CALCOCO2: variants seen among roughly 807,000 people sequenced by gnomAD.
CALCOCO2 encodes calcium binding and coiled-coil domain 2.
Under a neutral mutation model 62.5 loss-of-function variants are expected in CALCOCO2, and 42 were observed. That is an observed-to-expected ratio of 0.67 (90% CI 0.53 to 0.87). The LOEUF (loss-of-function observed/expected upper bound fraction) is 0.87. CALCOCO2 is among the 40% of genes least tolerant of loss of function. The pLI, the probability that CALCOCO2 is intolerant of heterozygous loss-of-function variation, is 0.00. For synonymous variants in CALCOCO2, 167 were observed against 173.0 expected (o/e 0.97, Z 0.27); for missense variants, 456 against 515.0 (o/e 0.89, Z 1.11).
chr17:48,861,916 G>A (rs933938884), intron 11 of CALCOCO2, among the ~76,000 whole-genome samples: 7 of 151,550 alleles, frequency 4.6e-5, no homozygotes, highest in African/African-American at 1.7e-4. Flanking sequence ...AGGCATGGTG[G>A]TAGGCACCTG....
chr17:48,831,962 ACT>A (rs374906145), intron 1 of CALCOCO2: 12 of 152,278 alleles, frequency 7.9e-5, no homozygotes, highest in African/African-American at 2.4e-4. Context: ...GGACCTGGAA[ACT>A]CTATCCTTTG....
Position 48,863,189 on chromosome 17 carries a change from A to G in CALCOCO2, c.*184A>G, listed in dbSNP as rs1286990826. The G allele has an allele frequency of 3.2e-5, 18 of 567,732 alleles. 1 individual carries two copies. In the East Asian group the frequency reaches 5.5e-4, roughly 17 times the overall value. The allele number at this position is 567,732 out of a possible 1,614,324, so 35.2% of individuals were successfully genotyped here. The stretch of plus-strand genomic sequence containing the variant: ...GTCACTGTTAAGGGCTTCTGCTGCC[A>G]TCCTTGTGGGTTGCTACCTTTAAGT... On this transcript the variant is annotated 3_prime_UTR_variant, in exon 13 of 13. Coordinates refer to ENST00000258947, the MANE Select transcript of CALCOCO2 (RefSeq NM_005831.5).
At chr17:48,856,965 A>AT (rs112324048) in intron 10 of CALCOCO2, among the ~76,000 whole-genome samples, 12 of 148,998 alleles carry the variant, frequency 8.1e-5, no homozygotes, top group East Asian at 2.0e-4. Context: ...TGCCCGGCTA[A>AT]TTTTTTTTTT....
Position 48,855,983 on chromosome 17 carries a change from C to A in CALCOCO2, c.913-109C>A. ...CATTTCTTCCTCCCAGTTGCGTTCT[C>A]CTCCATCTCAGTCTCCCCGCTTTGC... On this transcript the variant is annotated intron_variant, in intron 9 of 12. Coordinates refer to ENST00000258947, the MANE Select transcript of CALCOCO2 (RefSeq NM_005831.5). 7.9e-6 allele frequency: 4 copies of A among 504,310 alleles called. No homozygotes were observed. In the South Asian group the frequency reaches 1.5e-4, roughly 19 times the overall value. 31.2% of individuals were successfully genotyped at this position (504,310 alleles called of 1,614,324 possible).
At chr17:48,838,720 T>A (rs114860176) in intron 1 of CALCOCO2, among the ~76,000 whole-genome samples, 2,023 of 151,192 alleles carry the variant, frequency 0.013, 56 homozygotes, top group African/African-American at 0.044. Context: ...TCTTAAAAAA[T>A]ATATATATAT....
At chr17:48,838,758 G>C (rs1259435408) in intron 1 of CALCOCO2, among the ~76,000 whole-genome samples, 1 of 152,064 alleles carries the variant, frequency 6.6e-6, no homozygotes, top group African/African-American at 2.4e-5. Flanking sequence ...GCCTGTATGT[G>C]TACACAATCT....
intron 1 of CALCOCO2, among the ~76,000 whole-genome samples, chr17:48,833,271 A>G (rs1424093902): frequency 6.6e-6 from 1 of 152,190 alleles, no homozygotes; most frequent in Non-Finnish European, 1.5e-5. Flanking sequence ...AAAAGTAAGC[A>G]GAAGGCCGGG....
intron 10 of CALCOCO2, among the ~76,000 whole-genome samples, chr17:48,858,467 T>C (rs747792372): frequency 2.0e-5 from 3 of 151,972 alleles, no homozygotes; most frequent in African/African-American, 7.3e-5. Flanking sequence ...GTAGCTAGGA[T>C]TGCAGGTGCG....
In CALCOCO2 at chr17:48,841,776, C is replaced by T; in HGVS notation, c.69C>T (p.Val23=). 1.2e-6 allele frequency: 2 copies of T among 1,613,252 alleles called. No individual in the cohort carries two copies. The highest frequency in any genetic ancestry group is 8.5e-7 in the Non-Finnish European group (1 of 1,179,292). The change falls in exon 2 of 13, where the codon GTC becomes GTT. Residue 23 remains valine (V), a synonymous_variant. Coordinates refer to ENST00000258947, the MANE Select transcript of CALCOCO2 (RefSeq NM_005831.5). ...TGGATCACTGTCATTTCTCTCAGGTCATCTTTAACAGTGTGGAGAAGTTCT... is the reference window on the plus strand; with the variant it reads ...TGGATCACTGTCATTTCTCTCAGGTTATCTTTAACAGTGTGGAGAAGTTCT... The part of the protein sequence containing the change: ...VLLDHCHFSQ[V]IFNSVEKFYI...
chr17:48,861,661 G>GTATATATATA (rs59973644), intron 11 of CALCOCO2, among the ~76,000 whole-genome samples: 10 of 135,156 alleles, frequency 7.4e-5, no homozygotes, highest in African/African-American at 2.6e-4. Flanking sequence ...ATGTGTGTGT[G>GTATATATATA]TATATATATA....
chr17:48,845,087 G>A (rs907557806), intron 2 of CALCOCO2, among the ~76,000 whole-genome samples: 7 of 151,942 alleles, frequency 4.6e-5, no homozygotes, highest in Non-Finnish European at 1.0e-4. Context: ...AGTGAGCCAA[G>A]ATTATGCCAC....
intron 4 of CALCOCO2, 118 bp downstream of exon 4, chr17:48,848,573 TGTATGTA>T: frequency 1.1e-6 from 1 of 895,370 alleles, no homozygotes; most frequent in Non-Finnish European, 1.8e-6. Flanking sequence ...TTGGAAAAAA[TGTATGTA>T]GTACTCACAC....
chr17:48,848,751 G>A (rs1383144145), intron 4 of CALCOCO2: 2 of 547,692 alleles, frequency 3.7e-6, no homozygotes, highest in East Asian at 4.5e-5. Flanking sequence ...AATGGTAAAT[G>A]TAAAAGCTCC....
In CALCOCO2 at chr17:48,848,065, T is replaced by G. The variant is rs755684681; in HGVS notation, c.182T>G (p.Val61Gly). 2 of 1,589,890 alleles carry G rather than the reference T, an allele frequency of 1.3e-6. No individual in the cohort carries two copies. Among genetic ancestry groups the G allele is most frequent in the African/African-American group, 1.3e-5 (1 of 74,554 alleles). Residue 61 changes from valine (V) to glycine (G), a missense_variant and splice_region_variant, in exon 3 of 13, where the codon GTG becomes GGG. Physicochemically the swap from Val to Gly is moderately radical, Grantham distance 109 (BLOSUM62 -3). This residue lies in a region of CALCOCO2 where 48 missense variants were observed against 79.3 expected (regional missense o/e 0.61). Transcript: ENST00000258947. ...AATAAGAACTTCTTGTCATTGCAGG[T>G]GGGGTGGAAGACAACCCGTGAGTAT... ...RRKDWIGIFR[V>G]GWKTTREYYT...
intron 4 of CALCOCO2, chr17:48,848,868 G>T (rs1339693526): frequency 8.4e-6 from 4 of 477,980 alleles, no homozygotes. Flanking sequence ...CATTTAACAG[G>T]ACACCTACTT....
chr17:48,837,683 G>A (rs2039913390), intron 1 of CALCOCO2, among the ~76,000 whole-genome samples: 1 of 151,956 alleles, frequency 6.6e-6, no homozygotes, highest in African/African-American at 2.4e-5. Context: ...TGAGGTTTGA[G>A]GTTGAGGATG....
At chr17:48,839,696 A>ATTTGG (rs1353746616) in intron 1 of CALCOCO2, among the ~76,000 whole-genome samples, 1 of 106,802 alleles carries the variant, frequency 9.4e-6, no homozygotes, top group African/African-American at 3.8e-5. Context: ...TTTTTTTTTA[A>ATTTGG]ACGGAGTTTC....
intron 2 of CALCOCO2, 186 bp from the exon 3 acceptor site, chr17:48,847,878 C>T: frequency 1.9e-6 from 1 of 513,166 alleles, no homozygotes; most frequent in East Asian, 3.5e-5. Flanking sequence ...TGGTCTCAAA[C>T]TACTGAGCTC....
At chr17:48,833,698 T>A (rs1482027346) in intron 1 of CALCOCO2, among the ~76,000 whole-genome samples, 1 of 152,220 alleles carries the variant, frequency 6.6e-6, no homozygotes, top group East Asian at 1.9e-4. Flanking sequence ...GATTTCCTTC[T>A]GTGAACTAAT....
Sources: gnomAD v4.1 joint callset for allele counts (sites outside exome capture counted in the v4.1 genomes callset) on GRCh38, gnomAD v4.1.1 for gene constraint, gnomAD v4.1.1 regional missense constraint, MANE v1.5 for transcripts, NCBI Gene and HGNC (gene_info 2026-07-23, HGNC 2026-07-21) for gene names.